Variants in TBC1D5 observed in about 807,000 individuals in gnomAD.
TBC1D5 encodes TBC1 domain family, member 5.
TBC1D5 carries 75 observed loss-of-function variants against 100.3 expected under a neutral mutation model. That is an observed-to-expected ratio of 0.75 (90% CI 0.62 to 0.91). The LOEUF (loss-of-function observed/expected upper bound fraction) is 0.91, where lower values mean the gene tolerates loss of function less well. Among genes scored for constraint, TBC1D5 ranks in the 40% least tolerant of loss-of-function variants. The pLI is 0.00. For missense variants in TBC1D5, 910 were observed against 942.4 expected, an observed-to-expected ratio of 0.97 and a Z score of 0.45; for synonymous variants, 323 against 325.6, an observed-to-expected ratio of 0.99 and a Z score of 0.09.
intron 16 of TBC1D5, 101 bp from the exon 17 acceptor site, chr3:17,238,520 G>C: frequency 7.5e-7 from 1 of 1,340,814 alleles, no homozygotes; most frequent in Non-Finnish European, 9.9e-7. Flanking sequence ...CTTTGAAAAA[G>C]GTCATTTACT....
chr3:17,368,887 C>A (rs1291682984), intron 13 of TBC1D5, among the ~76,000 whole-genome samples: 1 of 152,036 alleles, frequency 6.6e-6, no homozygotes, highest in East Asian at 1.9e-4. Flanking sequence ...TATTTTACAT[C>A]TGCCCCTTGG....
Position 17,632,518 on chromosome 3 carries a change from A to G in TBC1D5, c.-100-8605T>C, listed in dbSNP as rs375390322. The stretch of plus-strand genomic sequence containing the variant: ...GTAGTTCTATTGTGGGTAAAATGCT[A>G]TCAAACCTAATCACATGCTACAGAG... On this transcript the variant is annotated intron_variant, in intron 1 of 21. Transcript: ENST00000253692. 7.4e-4 allele frequency among the ~76,000 whole-genome samples: 112 copies of G among 152,360 alleles called. 5 individuals carry two copies. The South Asian group carries it at 0.021, about 29-fold the overall frequency.
intron 1 of TBC1D5, among the ~76,000 whole-genome samples, chr3:17,727,788 T>C (rs533248984): frequency 6.6e-6 from 1 of 152,332 alleles, no homozygotes; most frequent in Admixed American, 6.5e-5. Context: ...AAGGATATTA[T>C]TTTGATGAAA....
In TBC1D5 at chr3:17,324,228, A is replaced by G. The variant is rs549003397; in HGVS notation, c.996-16094T>C. Among the ~76,000 whole-genome samples, 15 of 152,382 alleles carry G rather than the reference A, an allele frequency of 9.8e-5. No homozygotes were observed. The East Asian group carries it at 2.9e-3, about 29-fold the overall frequency. On this transcript the variant is annotated intron_variant, in intron 13 of 21. Coordinates refer to ENST00000253692, the Ensembl canonical transcript of TBC1D5. Reference sequence around the variant, plus strand: ...GTACAACGCCTTGAAAATAGGTAGAAGAAAATCTTGTGACACTGATAGGTA... The same window carrying G: ...GTACAACGCCTTGAAAATAGGTAGAGGAAAATCTTGTGACACTGATAGGTA...
chr3:17,379,054 C>G (rs111229499), intron 9 of TBC1D5, among the ~76,000 whole-genome samples: 2 of 151,198 alleles, frequency 1.3e-5, no homozygotes, highest in Non-Finnish European at 3.0e-5. Flanking sequence ...TATAAAGATT[C>G]GACCTTTAAA....
At chr3:17,232,394 C>T (rs2075498918) in intron 17 of TBC1D5, among the ~76,000 whole-genome samples, 1 of 152,136 alleles carries the variant, frequency 6.6e-6, no homozygotes, top group Non-Finnish European at 1.5e-5. Flanking sequence ...TTTTAGAAAA[C>T]AAATTTAAGT....
chr3:17,310,904 G>A (rs1256399802), intron 13 of TBC1D5, among the ~76,000 whole-genome samples: 2 of 151,840 alleles, frequency 1.3e-5, no homozygotes, highest in Admixed American at 6.6e-5. Context: ...TGGGACCAAC[G>A]ATGACCTTAT....
chr3:17,244,872 T>C (rs1198584310), intron 16 of TBC1D5, among the ~76,000 whole-genome samples: 1 of 151,974 alleles, frequency 6.6e-6, no homozygotes, highest in African/African-American at 2.4e-5. Flanking sequence ...ATAATCAGGA[T>C]ATACTTCTAT....
intron 2 of TBC1D5, among the ~76,000 whole-genome samples, chr3:17,557,036 C>A (rs1363228621): frequency 6.6e-6 from 1 of 152,098 alleles, no homozygotes; most frequent in Non-Finnish European, 1.5e-5. Flanking sequence ...CCTCCCTCAA[C>A]ACAAAATAAA....
chr3:17,270,077 T>C (rs2079235133), intron 15 of TBC1D5, among the ~76,000 whole-genome samples: 1 of 152,208 alleles, frequency 6.6e-6, no homozygotes, highest in Admixed American at 6.5e-5. Flanking sequence ...CCAAACTGCT[T>C]TCCATAGCGG....
At chr3:17,593,218 G>C (rs1383665004) in intron 2 of TBC1D5, among the ~76,000 whole-genome samples, 1 of 152,134 alleles carries the variant, frequency 6.6e-6, no homozygotes, top group African/African-American at 2.4e-5. Flanking sequence ...AGCAGAGGAG[G>C]ATTTTAATAA....
Position 17,518,655 on chromosome 3 carries a change from C to T in TBC1D5, c.-35-10050G>A, listed in dbSNP as rs1211610531. On this transcript the variant is annotated intron_variant, in intron 2 of 21. Transcript: ENST00000253692. ...AGCTCGGGAGCCACAAGTGCAGATA[C>T]AAAAGGCTGTCACACTGATTCTTTG... 4.6e-5 allele frequency among the ~76,000 whole-genome samples: 7 copies of T among 152,240 alleles called. No homozygotes were observed. In the East Asian group the frequency reaches 9.6e-4, roughly 21 times the overall value.
intron 3 of TBC1D5, among the ~76,000 whole-genome samples, chr3:17,492,608 T>G (rs1275253206): frequency 2.0e-5 from 3 of 152,002 alleles, no homozygotes; most frequent in Non-Finnish European, 2.9e-5. Context: ...TTAATTTTTG[T>G]CTTTTTTAGT....
intron 18 of TBC1D5, among the ~76,000 whole-genome samples, chr3:17,200,612 G>A (rs563898242): frequency 6.6e-6 from 1 of 152,360 alleles, no homozygotes; most frequent in East Asian, 1.9e-4. Flanking sequence ...TGACAAAGAG[G>A]TTGGGGACTG....
chr3:17,225,068 T>C (rs2596671), intron 17 of TBC1D5, among the ~76,000 whole-genome samples: 62,290 of 152,074 alleles, frequency 0.41, 13,470 homozygotes, highest in Middle Eastern at 0.49. Flanking sequence ...CCCAAAGGGA[T>C]GATGGAGAGC....
At chr3:17,589,697 T>A (rs111555071) in intron 2 of TBC1D5, among the ~76,000 whole-genome samples, 24 of 152,330 alleles carry the variant, frequency 1.6e-4, no homozygotes, top group African/African-American at 5.3e-4. Flanking sequence ...ATTTTAGAAT[T>A]AATCACTTCG....
At chr3:17,206,571 T>C (rs1315557548) in intron 18 of TBC1D5, among the ~76,000 whole-genome samples, 3 of 152,168 alleles carry the variant, frequency 2.0e-5, no homozygotes, top group Admixed American at 6.5e-5. Context: ...TGTATGACCA[T>C]AGTATACGTT....
At chr3:17,304,671 G>T (rs986660987) in intron 14 of TBC1D5, among the ~76,000 whole-genome samples, 3 of 152,150 alleles carry the variant, frequency 2.0e-5, no homozygotes, top group African/African-American at 7.2e-5. Flanking sequence ...TTCCCAAAAT[G>T]CTGGGATTAC....
intron 18 of TBC1D5, among the ~76,000 whole-genome samples, chr3:17,203,119 C>G (rs1263277018): frequency 1.3e-5 from 2 of 152,218 alleles, no homozygotes; most frequent in Non-Finnish European, 2.9e-5. Context: ...GAGCCCCAAG[C>G]AGGGAGATCC....
Sources: gnomAD v4.1 joint callset for allele counts (sites outside exome capture counted in the v4.1 genomes callset) on GRCh38, gnomAD v4.1.1 for gene constraint, MANE v1.5 for transcripts, NCBI Gene and HGNC (gene_info 2026-07-23, HGNC 2026-07-21) for gene names.